VPS53: variants seen among roughly 807,000 people sequenced by gnomAD.
VPS53 encodes vacuolar protein sorting-associated protein 53 homolog.
A neutral mutation model predicts 107.0 loss-of-function variants in VPS53; 70 were observed. That is an observed-to-expected ratio of 0.65 (90% CI 0.54 to 0.80). VPS53 has a LOEUF of 0.80. Ranked by LOEUF, VPS53 falls within the 30% of genes least tolerant of loss-of-function variation. The pLI is 0.00. For synonymous variants in VPS53, 409 were observed against 393.3 expected (o/e 1.04, Z -0.47); for missense variants, 917 against 1,049.4 (o/e 0.87, Z 1.74).
intron 17 of VPS53, among the ~76,000 whole-genome samples, chr17:550,086 C>T (rs1391639965): frequency 1.3e-5 from 2 of 152,184 alleles, no homozygotes; most frequent in Admixed American, 6.5e-5. Flanking sequence ...TACTATGTGC[C>T]TGGCACTAGA....
intron 7 of VPS53, among the ~76,000 whole-genome samples, chr17:644,024 T>C (rs886130023): frequency 6.6e-6 from 1 of 152,260 alleles, no homozygotes; most frequent in African/African-American, 2.4e-5. Context: ...AAGAGTTTCA[T>C]GGTTTTCAAG....
chr17:573,780 C>T (rs573434745), intron 13 of VPS53, among the ~76,000 whole-genome samples: 6 of 152,168 alleles, frequency 3.9e-5, no homozygotes, highest in Non-Finnish European at 7.4e-5. Context: ...GGATCAGGCC[C>T]ACGCTCTTTC....
Position 562,611 on chromosome 17 carries a change from A to C in VPS53, c.1448T>G (p.Val483Gly). ...DLFVYYKKCM[V>G]QCSQLSTGEP... ...CCCAGTACTGAGCTGAGAGCATTGC[A>C]CCATGCACTTCTTGTAGTAGACAAA... Residue 483 changes from valine (V) to glycine (G), a missense_variant, in exon 14 of 22, where the codon GTG becomes GGG. Physicochemically the swap from Val to Gly is moderately radical, Grantham distance 109 (BLOSUM62 -3). Transcript: ENST00000437048. The C allele has an allele frequency of 6.2e-7, 1 of 1,613,922 alleles. No individual in the cohort carries two copies. The highest frequency in any genetic ancestry group is 8.5e-7 in the Non-Finnish European group (1 of 1,179,990).
intron 11 of VPS53, among the ~76,000 whole-genome samples, chr17:620,261 C>T (rs1421976401): frequency 6.6e-6 from 1 of 152,234 alleles, no homozygotes; most frequent in African/African-American, 2.4e-5. Flanking sequence ...AGTCCATTGC[C>T]TGAAAGGCCA....
At chr17:652,355 G>A (rs530741538) in intron 7 of VPS53, among the ~76,000 whole-genome samples, 1 of 152,156 alleles carries the variant, frequency 6.6e-6, no homozygotes, top group Non-Finnish European at 1.5e-5. Context: ...CATGCTTTTT[G>A]TAACAATGTG....
intron 13 of VPS53, among the ~76,000 whole-genome samples, chr17:577,170 G>T (rs921164145): frequency 6.8e-6 from 1 of 147,186 alleles, no homozygotes; most frequent in Non-Finnish European, 1.5e-5. Flanking sequence ...AGAACCTAAT[G>T]CATTTCCAGA....
intron 12 of VPS53, among the ~76,000 whole-genome samples, chr17:587,614 C>G (rs1470838982): frequency 2.0e-5 from 3 of 152,120 alleles, no homozygotes; most frequent in Non-Finnish European, 4.4e-5. Context: ...TATTTTAAAA[C>G]AATATTTGCC....
chr17:710,647 T>C, intron 1 of VPS53, 34 bp from the exon 2 acceptor site: 2 of 1,451,016 alleles, frequency 1.4e-6, no homozygotes, highest in Non-Finnish European at 1.9e-6. Context: ...TATAAAAACA[T>C]GTAGTATACC....
chr17:656,185 A>C (rs1971180221), intron 5 of VPS53, among the ~76,000 whole-genome samples: 1 of 152,190 alleles, frequency 6.6e-6, no homozygotes, highest in Non-Finnish European at 1.5e-5. Flanking sequence ...GTGAGCATGA[A>C]ATGAACTTTA....
intron 12 of VPS53, among the ~76,000 whole-genome samples, chr17:594,360 T>A (rs542689369): frequency 6.6e-6 from 1 of 152,258 alleles, no homozygotes; most frequent in South Asian, 2.1e-4. Context: ...CAACACCGCA[T>A]GGGCTGGAGG....
chr17:632,299 G>A (rs1187713362), intron 7 of VPS53, among the ~76,000 whole-genome samples: 2 of 152,068 alleles, frequency 1.3e-5, no homozygotes, highest in Non-Finnish European at 2.9e-5. Context: ...TGGATTACTG[G>A]TGTAACTGCT....
chr17:660,520 T>G (rs2143586011), intron 5 of VPS53, among the ~76,000 whole-genome samples: 1 of 152,308 alleles, frequency 6.6e-6, no homozygotes, highest in East Asian at 1.9e-4. Context: ...AGAACACAGA[T>G]TAGCATCATA....
intron 7 of VPS53, among the ~76,000 whole-genome samples, chr17:644,987 T>C (rs1970627805): frequency 6.6e-6 from 1 of 152,236 alleles, no homozygotes; most frequent in African/African-American, 2.4e-5. Context: ...CCTCCTGTGT[T>C]TGCAGCAACC....
In VPS53 at chr17:562,576, T is replaced by A. The variant is rs561647148; in HGVS notation, c.1483A>T (p.Ile495Phe). The A allele has an allele frequency of 3.1e-6, 5 of 1,614,064 alleles. No homozygotes were observed. In the African/African-American group the frequency reaches 5.3e-5, roughly 17 times the overall value. The change falls in exon 14 of 22, where the codon ATC (isoleucine) becomes TTC (phenylalanine). Residue 495 changes from isoleucine (I) to phenylalanine (F), a missense_variant. By Grantham distance (21) the Ile-to-Phe change is conservative (BLOSUM62 0). Transcript: ENST00000437048. ...TTCTGGAAAATGGTGGTCAGGGCGA[T>A]CATGGGCTCCCCAGTACTGAGCTGA... ...CSQLSTGEPM[I>F]ALTTIFQKYL...
At chr17:609,615 C>A (rs1327432267) in intron 11 of VPS53, among the ~76,000 whole-genome samples, 1 of 152,104 alleles carries the variant, frequency 6.6e-6, no homozygotes, top group Non-Finnish European at 1.5e-5. Context: ...CTGAAACAAG[C>A]AGGGACTACT....
intron 14 of VPS53, among the ~76,000 whole-genome samples, chr17:561,777 G>A (rs960115989): frequency 9.9e-5 from 15 of 152,142 alleles, no homozygotes; most frequent in Admixed American, 8.5e-4. Context: ...CTACAGGCAT[G>A]CACCACCACA....
chr17:554,330 A>G (rs550360282), intron 15 of VPS53, among the ~76,000 whole-genome samples: 24 of 152,206 alleles, frequency 1.6e-4, no homozygotes, highest in Non-Finnish European at 3.4e-4. Context: ...ACTTGTAAAT[A>G]CTTGGAGATA....
intron 11 of VPS53, among the ~76,000 whole-genome samples, chr17:617,664 A>G (rs1221197990): frequency 9.6e-5 from 14 of 146,260 alleles, no homozygotes; most frequent in Admixed American, 2.7e-4. Context: ...ACCACGCCCC[A>G]CTAATATTTC....
chr17:702,213 G>C (rs34729304), intron 2 of VPS53, among the ~76,000 whole-genome samples: 29,559 of 151,794 alleles, frequency 0.19, 3,038 homozygotes, highest in African/African-American at 0.26. Context: ...AATTAGCCGG[G>C]TATGGTAGCA....
Sources: allele counts gnomAD v4.1 joint callset (sites outside exome capture counted in the v4.1 genomes callset), GRCh38; gene constraint gnomAD v4.1.1; transcripts MANE v1.5; gene names NCBI Gene and HGNC (gene_info 2026-07-23, HGNC 2026-07-21).